NDUFAF7: variants seen among roughly 807,000 people sequenced by gnomAD.
NDUFAF7 encodes NADH:ubiquinone oxidoreductase complex assembly factor 7, also known as protein arginine methyltransferase NDUFAF7, mitochondrial.
A neutral mutation model predicts 47.2 loss-of-function variants in NDUFAF7; 48 were observed. The observed-to-expected ratio is 1.02, with a 90% CI of 0.81 to 1.29. NDUFAF7 has a LOEUF of 1.29. Among genes scored for constraint, NDUFAF7 ranks in the 50% most tolerant of loss-of-function variants. The probability of loss-of-function intolerance (pLI) is 0.00; values close to 1 mark genes in which losing one functional copy is unlikely to be tolerated. For missense variants in NDUFAF7, 635 were observed against 537.6 expected (o/e 1.18, Z -1.79); for synonymous variants, 217 against 190.0 (o/e 1.14, Z -1.17).
Position 37,247,576 on chromosome 2 carries a change from C to T in NDUFAF7, c.1057C>T (p.Pro353Ser), listed in dbSNP as rs2148444464. 1.2e-6 allele frequency: 2 copies of T among 1,613,854 alleles called. No individual in the cohort carries two copies. The highest frequency in any genetic ancestry group is 8.5e-7 in the Non-Finnish European group (1 of 1,179,934). The change falls in exon 9 of 10, where the codon CCA becomes TCA. Residue 353 changes from proline to serine, a missense_variant. Physicochemically the swap from Pro to Ser is moderately conservative, Grantham distance 74. Transcript: ENST00000002125. ...ACAGGGAAAAGTAGCCTCTCTGGGC[C>T]CAATAAAACAACACACATTTTTAAA... ...MAQGKVASLG[P>S]IKQHTFLKNM... is the part of the protein sequence containing the mutation.
rs374267629 is a variant in NDUFAF7, at chr2:37,232,275, C to T, written c.216+9C>T. 4 of 1,612,378 alleles carry T rather than the reference C, an allele frequency of 2.5e-6. No individual in the cohort carries two copies. In the East Asian group the frequency reaches 8.9e-5, roughly 36 times the overall value. Reference sequence around the variant, plus strand: ...TGACTAATCCAGCCAAGGTATGGGTCGGGTAGCCCGAGGACTAGGCCCTCT... The same window carrying T: ...TGACTAATCCAGCCAAGGTATGGGTTGGGTAGCCCGAGGACTAGGCCCTCT... On this transcript the variant is annotated intron_variant, in intron 2 of 9. Transcript: ENST00000002125.
intron 7 of NDUFAF7, among the ~76,000 whole-genome samples, chr2:37,245,661 T>G (rs2110965): frequency 6.7e-6 from 1 of 149,142 alleles, no homozygotes; most frequent in East Asian, 1.9e-4. Context: ...TTGACTGTTA[T>G]GTGCCTGGCA....
the NDUFAF7 span, among the ~76,000 whole-genome samples, chr2:37,258,649 T>C: frequency 6.6e-6 from 1 of 152,216 alleles, no homozygotes; most frequent in Non-Finnish European, 1.5e-5. Flanking sequence ...ATTTAAAACA[T>C]TGCACCAACT....
the NDUFAF7 span, chr2:37,260,292 C>T: frequency 6.2e-7 from 1 of 1,609,362 alleles, no homozygotes; most frequent in Non-Finnish European, 8.5e-7. Flanking sequence ...TCATTTCCAA[C>T]ATATCTCCAT....
Position 37,246,101 on chromosome 2 carries a change from T to C in NDUFAF7, c.842T>C (p.Ile281Thr), listed in dbSNP as rs368467701. The C allele has an allele frequency of 3.1e-6, 5 of 1,613,966 alleles. No homozygotes were observed. The highest frequency in any genetic ancestry group is 1.7e-4 in the Middle Eastern group (1 of 6,060). ...GAAGTGTGTCCTGATGCTGGTGTTA[T>C]CATCGAGGAACTTTCTCAACGCATT... Reference protein sequence around the residue: ...HVEVCPDAGVIIEELSQRIAL... With the variant: ...HVEVCPDAGVTIEELSQRIAL... The change falls in exon 8 of 10, where the codon ATC (isoleucine) becomes ACC (threonine). Residue 281 changes from isoleucine (I) to threonine (T), a missense_variant. Physicochemically the swap from Ile to Thr is moderately conservative, Grantham distance 89. Coordinates refer to ENST00000002125, the MANE Select transcript of NDUFAF7 (RefSeq NM_144736.5).
intron 7 of NDUFAF7, among the ~76,000 whole-genome samples, chr2:37,244,335 T>C (rs751741148): frequency 1.8e-4 from 27 of 152,240 alleles, no homozygotes; most frequent in Non-Finnish European, 3.5e-4. Context: ...AAATTAACAA[T>C]AACAGCTAAC....
chr2:37,248,343 G>T lies in NDUFAF7; in HGVS notation c.1319G>T (p.Trp440Leu). 6.2e-7 allele frequency: 1 copy of T among 1,613,554 alleles called. No individual in the cohort carries two copies. The highest frequency in any genetic ancestry group is 8.5e-7 in the Non-Finnish European group (1 of 1,179,500). Reference protein sequence around the residue: ...SVVAGFSELAWQ With the variant: ...SVVAGFSELALQ The stretch of plus-strand genomic sequence containing the variant: ...GTAGCTGGGTTTAGTGAACTTGCTT[G>T]GCAGTGATATTTCAGCTTGGACATT... The change falls in exon 10 of 10, where the codon TGG (tryptophan) becomes TTG (leucine). Residue 440 changes from tryptophan to leucine, a missense_variant. Trp to Leu is a moderately conservative substitution (Grantham distance 61, BLOSUM62 -2). Transcript: ENST00000002125.
chr2:37,260,318 C>T, the NDUFAF7 span: 3 of 1,609,208 alleles, frequency 1.9e-6, no homozygotes, highest in East Asian at 2.2e-5. Flanking sequence ...TTTTCCATTA[C>T]TACAAAGACT....
intron 2 of NDUFAF7, among the ~76,000 whole-genome samples, chr2:37,235,531 C>T (rs1023429534): frequency 2.0e-5 from 3 of 151,992 alleles, no homozygotes; most frequent in Admixed American, 6.6e-5. Flanking sequence ...CAGAGATGGA[C>T]GTTACATGAC....
the NDUFAF7 span, among the ~76,000 whole-genome samples, chr2:37,270,937 G>A: frequency 2.0e-5 from 3 of 152,092 alleles, no homozygotes; most frequent in African/African-American, 7.2e-5. Flanking sequence ...GTTCCCATGG[G>A]ATTATTCAAA....
chr2:37,251,058 A>G (rs1489399311), downstream of NDUFAF7: 1 of 152,584 alleles, frequency 6.6e-6, no homozygotes, highest in African/African-American at 2.4e-5. Context: ...GTTCCAGTTA[A>G]TTTTCACCTT....
downstream of NDUFAF7, chr2:37,254,101 C>A (rs969705105): frequency 2.9e-5 from 24 of 839,150 alleles, no homozygotes; most frequent in East Asian, 6.0e-4. Flanking sequence ...CTTAAGAGCA[C>A]TTTTATTATT....
In NDUFAF7 at chr2:37,247,233, T is replaced by A. The variant is rs1019098351; in HGVS notation, c.937-223T>A. The A allele has an allele frequency of 1.7e-5, 10 of 581,784 alleles. No individual in the cohort carries two copies. The African/African-American group carries it at 1.9e-4, about 11-fold the overall frequency. 36.0% of individuals were successfully genotyped at this position (581,784 alleles called of 1,614,324 possible). On this transcript the variant is annotated intron_variant, in intron 8 of 9. Transcript: ENST00000002125. ...AAGGACGTGATTTCATTTTTTTTTA[T>A]GGCTGTGTAGTAGTTTGTAGTGTAT... is the stretch of plus-strand genomic sequence containing the variant.
the NDUFAF7 span, chr2:37,267,707 C>T: frequency 1.8e-6 from 1 of 563,272 alleles, no homozygotes; most frequent in South Asian, 2.4e-5. Flanking sequence ...AATTGTTTTC[C>T]CCTCCATACA....
At chr2:37,251,133 G>C (rs547845034), downstream of NDUFAF7, 6 of 152,608 alleles carry the variant, frequency 3.9e-5, no homozygotes, top group South Asian at 4.1e-4. Flanking sequence ...TGTGTGTGTT[G>C]ATATAAACAG....
Position 37,237,867 on chromosome 2 carries a change from G to A in NDUFAF7, c.408G>A (p.Arg136=). 1 of 1,589,424 alleles carries A rather than the reference G, an allele frequency of 6.3e-7. No homozygotes were observed. Among genetic ancestry groups the A allele is most frequent in the Non-Finnish European group, 8.6e-7 (1 of 1,157,960 alleles). ...GRGTLVGDIL[R]VFTQLGSVLK... is the part of the protein sequence containing the mutation. The stretch of plus-strand genomic sequence containing the variant: ...GAACCCTCGTGGGAGATATTTTGAG[G>A]GTAGGTAATAAAAGAATGTCTTCTA... The change falls in exon 4 of 10, where the codon AGG becomes AGA. Residue 136 remains arginine, a splice_region_variant and synonymous_variant. Transcript: ENST00000002125.
chr2:37,253,852 G>A (rs1211249059), downstream of NDUFAF7, among the ~76,000 whole-genome samples: 1 of 152,048 alleles, frequency 6.6e-6, no homozygotes, highest in East Asian at 1.9e-4. Flanking sequence ...AACTTTGGGA[G>A]AATTAAGCCA....
chr2:37,248,216 ATG>A lies in NDUFAF7; in HGVS notation c.1193_1194del (p.Met398ArgfsTer5), dbSNP rs765843803. 1 of 1,613,920 alleles carries A rather than the reference ATG, an allele frequency of 6.2e-7. No homozygotes were observed. The highest frequency in any genetic ancestry group is 8.5e-7 in the Non-Finnish European group (1 of 1,179,822). ...GYDMLMNPKK[M>X]GERFNFFALL... Reference sequence around the variant, plus strand: ...TGATATGTTAATGAATCCAAAGAAGATGGGAGAGAGATTTAACTTTTTTGCCT... The same window carrying A: ...TGATATGTTAATGAATCCAAAGAAGAGGAGAGAGATTTAACTTTTTTGCCT... On this transcript the variant is annotated frameshift_variant, in exon 10 of 10. Coordinates refer to ENST00000002125, the MANE Select transcript of NDUFAF7 (RefSeq NM_144736.5). LOFTEE classifies it low-confidence loss of function (END_TRUNC).
At chr2:37,258,559 G>A in the NDUFAF7 span, among the ~76,000 whole-genome samples, 26 of 152,266 alleles carry the variant, frequency 1.7e-4, no homozygotes, top group African/African-American at 6.3e-4. Flanking sequence ...GAAAGTGGGA[G>A]TTTTAATGTT....
Sources: allele counts gnomAD v4.1 joint callset (sites outside exome capture counted in the v4.1 genomes callset), GRCh38; gene constraint gnomAD v4.1.1; transcripts MANE v1.5; gene names NCBI Gene and HGNC (gene_info 2026-07-23, HGNC 2026-07-21).